Variants in CUEDC1 observed in about 807,000 individuals in gnomAD.
The protein encoded by CUEDC1 is CUE domain containing 1, also known as CUE domain-containing protein 1.
Under a neutral mutation model 43.7 loss-of-function variants are expected in CUEDC1, and 30 were observed. That is an observed-to-expected ratio of 0.69 (90% CI 0.51 to 0.93). The LOEUF (loss-of-function observed/expected upper bound fraction) is 0.93. Among genes scored for constraint, CUEDC1 ranks in the 40% least tolerant of loss-of-function variants. The probability of loss-of-function intolerance (pLI) is 0.00; values close to 1 mark genes in which losing one functional copy is unlikely to be tolerated. For missense variants in CUEDC1, 486 were observed against 549.0 expected (o/e 0.89, Z 1.15); for synonymous variants, 223 against 223.6 (o/e 1.00, Z 0.02).
At chr17:57,887,655 C>CTTTTTTTTTTTTTTTTTTTTTTT (rs3085786) in intron 1 of CUEDC1, among the ~76,000 whole-genome samples, 16 of 58,032 alleles carry the variant, frequency 2.8e-4, no homozygotes, top group South Asian at 1.2e-3. Context: ...CCACGCCTGG[C>CTTTTTTTTTTTTTTTTTTTTTTT]TTTTTTTTTT....
rs2073880471 is a variant in CUEDC1 at position 57,861,856 on chromosome 17, G to A, written c.*1433C>T. 6.6e-6 allele frequency: 1 copy of A among 151,702 alleles called. No homozygotes were observed. Among genetic ancestry groups the A allele is most frequent in the South Asian group, 2.1e-4 (1 of 4,814 alleles). The allele number at this position is 151,702 out of a possible 1,614,324, so 9.4% of individuals were successfully genotyped here. ...GCCTGGCGCGGGGAGCAGCGGAGGG[G>A]GCGACCGCTCCTCGGCAGGGCCCCC... On this transcript the variant is annotated 3_prime_UTR_variant, in exon 11 of 11. Transcript: ENST00000577830.
intron 3 of CUEDC1, among the ~76,000 whole-genome samples, chr17:57,874,676 G>T (rs770975615): frequency 6.6e-6 from 1 of 152,118 alleles, no homozygotes; most frequent in Non-Finnish European, 1.5e-5. Context: ...TCAGGAAAAC[G>T]GCACACTGAG....
intron 2 of CUEDC1, among the ~76,000 whole-genome samples, chr17:57,881,949 G>C (rs2074211151): frequency 6.6e-6 from 1 of 152,178 alleles, no homozygotes; most frequent in Admixed American, 6.5e-5. Flanking sequence ...CAGCAGCACT[G>C]CTGGCCTCCC....
At chr17:57,900,284 G>C (rs1189527613) in intron 1 of CUEDC1, among the ~76,000 whole-genome samples, 2 of 152,212 alleles carry the variant, frequency 1.3e-5, no homozygotes, top group African/African-American at 4.8e-5. Context: ...AAATCTTCCA[G>C]GGATATAGGT....
At chr17:57,893,588 G>A (rs1168070319) in intron 1 of CUEDC1, among the ~76,000 whole-genome samples, 1 of 152,096 alleles carries the variant, frequency 6.6e-6, no homozygotes, top group Non-Finnish European at 1.5e-5. Flanking sequence ...TCATTCCCGA[G>A]GCCCCCAGAG....
rs1479000232 is a variant in CUEDC1 at position 57,861,539 on chromosome 17, G to C, written c.*1750C>G. 6.6e-6 allele frequency: 1 copy of C among 152,398 alleles called. No individual in the cohort carries two copies. The highest frequency in any genetic ancestry group is 1.5e-5 in the Non-Finnish European group (1 of 68,178). 9.4% of individuals were successfully genotyped at this position (152,398 alleles called of 1,614,324 possible). ...GCTCCTGGGGACAAACCCTGCCCCA[G>C]GCCGGGAGGGAGGAGGGAGCAGGAG... On this transcript the variant is annotated 3_prime_UTR_variant, in exon 11 of 11. Coordinates refer to ENST00000577830, the MANE Select transcript of CUEDC1 (RefSeq NM_001271875.2).
At position 57,863,210 on chromosome 17, in the gene CUEDC1, C is replaced by T. The variant is rs952828243; in HGVS notation, c.*79G>A. On this transcript the variant is annotated 3_prime_UTR_variant, in exon 11 of 11. Coordinates refer to ENST00000577830, the MANE Select transcript of CUEDC1 (RefSeq NM_001271875.2). ...TCTGTCTGGCTGCAGCTGGGCCCTT[C>T]AGCTGGGGGCCAGTGTTGCTTTCCA... The T allele has an allele frequency of 6.6e-6, 1 of 152,650 alleles. No homozygotes were observed. Among genetic ancestry groups the T allele is most frequent in the Admixed American group, 6.5e-5 (1 of 15,274 alleles). The allele number at this position is 152,650 out of a possible 1,614,324, so 9.5% of individuals were successfully genotyped here.
intron 3 of CUEDC1, among the ~76,000 whole-genome samples, chr17:57,874,962 C>T (rs960799309): frequency 6.6e-6 from 1 of 152,118 alleles, no homozygotes; most frequent in South Asian, 2.1e-4. Context: ...CAAGGGAACC[C>T]CAGCACGCCT....
At position 57,861,879 on chromosome 17, in the gene CUEDC1, C is replaced by A. The variant is rs920031297; in HGVS notation, c.*1410G>T. 6.6e-6 allele frequency: 1 copy of A among 152,146 alleles called. No homozygotes were observed. The highest frequency in any genetic ancestry group is 2.4e-5 in the African/African-American group (1 of 41,542). 9.4% of individuals were successfully genotyped at this position (152,146 alleles called of 1,614,324 possible). On this transcript the variant is annotated 3_prime_UTR_variant, in exon 11 of 11. Transcript: ENST00000577830. ...GGGGCGACCGCTCCTCGGCAGGGCC[C>A]CCCGAGCCAGCGTCCCGGCCCCGCG...
Position 57,869,307 on chromosome 17 carries a change from C to A in CUEDC1, c.869-114G>T, listed in dbSNP as rs916522224. Reference sequence around the variant, plus strand: ...AAGAAAGAGCAGGCTTCTTCCCTGGCCAGAAGGGAGTTTAAAGCAAGGAGG... The same window carrying A: ...AAGAAAGAGCAGGCTTCTTCCCTGGACAGAAGGGAGTTTAAAGCAAGGAGG... On this transcript the variant is annotated intron_variant, in intron 6 of 10. Transcript: ENST00000577830. 1.7e-5 allele frequency: 15 copies of A among 878,642 alleles called. No homozygotes were observed. In the South Asian group the frequency reaches 2.0e-4, roughly 12 times the overall value. The allele number at this position is 878,642 out of a possible 1,614,324, so 54.4% of individuals were successfully genotyped here. A position where few individuals can be genotyped will look rare whatever the true frequency, so the allele number is the denominator to read the frequency against.
intron 1 of CUEDC1, among the ~76,000 whole-genome samples, chr17:57,887,655 CTTTTT>C (rs3085786): frequency 3.4e-5 from 2 of 58,032 alleles, no homozygotes; most frequent in Non-Finnish European, 5.9e-5. Context: ...CCACGCCTGG[CTTTTT>C]TTTTTTTTTT....
At chr17:57,931,840 G>GAGC (rs1173602048) in intron 1 of CUEDC1, among the ~76,000 whole-genome samples, 2 of 152,106 alleles carry the variant, frequency 1.3e-5, no homozygotes, top group Non-Finnish European at 2.9e-5. Context: ...GTGAAACCAC[G>GAGC]AGCCTCTTTC....
intron 1 of CUEDC1, among the ~76,000 whole-genome samples, chr17:57,928,925 C>T (rs758367636): frequency 4.6e-5 from 7 of 151,962 alleles, no homozygotes; most frequent in Non-Finnish European, 8.8e-5. Flanking sequence ...TGTCCCAATT[C>T]TGATCCTGGG....
intron 1 of CUEDC1, among the ~76,000 whole-genome samples, chr17:57,907,439 G>A (rs768052926): frequency 2.0e-5 from 3 of 152,226 alleles, no homozygotes; most frequent in Middle Eastern, 3.4e-3. Context: ...ACAGACGGGA[G>A]CATGCTCCCA....
chr17:57,887,485 A>C (rs1266556410), intron 1 of CUEDC1, among the ~76,000 whole-genome samples: 1 of 146,616 alleles, frequency 6.8e-6, no homozygotes, highest in African/African-American at 2.5e-5. Flanking sequence ...CACAATCTTA[A>C]CAGCTGATAC....
chr17:57,868,002 T>G, intron 8 of CUEDC1, 148 bp downstream of exon 8: 1 of 679,174 alleles, frequency 1.5e-6, no homozygotes, highest in African/African-American at 1.8e-5. Context: ...GTGGCCAAGC[T>G]CATGGAGGAG....
At chr17:57,918,415 G>A (rs747845688) in intron 1 of CUEDC1, among the ~76,000 whole-genome samples, 8 of 152,144 alleles carry the variant, frequency 5.3e-5, no homozygotes, top group Non-Finnish European at 1.0e-4. Flanking sequence ...CTGGTATCCC[G>A]CCCTGGGTTA....
intron 1 of CUEDC1, among the ~76,000 whole-genome samples, chr17:57,935,191 G>A (rs185047563): frequency 4.6e-4 from 70 of 152,226 alleles, no homozygotes; most frequent in Non-Finnish European, 7.6e-4. Flanking sequence ...TTTAATGAAT[G>A]GTTTAGTGTT....
At chr17:57,900,337 G>C (rs2074458434) in intron 1 of CUEDC1, among the ~76,000 whole-genome samples, 1 of 152,218 alleles carries the variant, frequency 6.6e-6, no homozygotes, top group African/African-American at 2.4e-5. Flanking sequence ...AGGCACCACT[G>C]TTCTAGGCAC....
Sources: gnomAD v4.1 joint callset for allele counts (sites outside exome capture counted in the v4.1 genomes callset) on GRCh38, gnomAD v4.1.1 for gene constraint, MANE v1.5 for transcripts, NCBI Gene and HGNC (gene_info 2026-07-23, HGNC 2026-07-21) for gene names.